Variants in ARHGAP15 observed in about 807,000 individuals in gnomAD.
ARHGAP15 encodes Rho GTPase activating protein 15, also known as rho GTPase-activating protein 15.
ARHGAP15 carries 51 observed loss-of-function variants against 63.7 expected under a neutral mutation model. The observed-to-expected ratio is 0.80, with a 90% CI of 0.64 to 1.01. The LOEUF is 1.01. Ranked by LOEUF, ARHGAP15 falls within the 50% of genes least tolerant of loss-of-function variation. The pLI is 0.00. For synonymous variants in ARHGAP15, 191 were observed against 193.8 expected, an observed-to-expected ratio of 0.99 and a Z score of 0.12; for missense variants, 560 against 564.6, an observed-to-expected ratio of 0.99 and a Z score of 0.08.
chr2:143,396,980 G>T (rs1687789887), intron 6 of ARHGAP15, among the ~76,000 whole-genome samples: 1 of 152,100 alleles, frequency 6.6e-6, no homozygotes, highest in African/African-American at 2.4e-5. Flanking sequence ...AGAGATGGAG[G>T]AAGAGGAAGA....
rs141080559 is a variant in ARHGAP15, at chr2:143,248,739, C to T, written c.385-1772C>T. Among the ~76,000 whole-genome samples, 146 of 152,278 alleles carry T rather than the reference C, an allele frequency of 9.6e-4. 1 individual carries two copies. The highest frequency in any genetic ancestry group is 6.8e-3 in the Middle Eastern group (2 of 294). On this transcript the variant is annotated intron_variant, in intron 5 of 13. Coordinates refer to ENST00000295095, the MANE Select transcript of ARHGAP15 (RefSeq NM_018460.4). ...TAGAACTCCAGAGGCAAGGAAAATACGGAATCTTCCTCATTTTAGCCTTAG... is the reference window on the plus strand; with the variant it reads ...TAGAACTCCAGAGGCAAGGAAAATATGGAATCTTCCTCATTTTAGCCTTAG...
chr2:143,327,891 TAAAC>T (rs1558895810), intron 6 of ARHGAP15, among the ~76,000 whole-genome samples: 1 of 126,946 alleles, frequency 7.9e-6, no homozygotes, highest in African/African-American at 2.8e-5. Context: ...ACAAAGAACT[TAAAC>T]AAATTTACAA....
At chr2:143,653,052 T>A (rs1681251812) in intron 12 of ARHGAP15, among the ~76,000 whole-genome samples, 1 of 152,096 alleles carries the variant, frequency 6.6e-6, no homozygotes, top group South Asian at 2.1e-4. Flanking sequence ...TTCCTTCCCA[T>A]CTGTCCTGAG....
intron 10 of ARHGAP15, among the ~76,000 whole-genome samples, chr2:143,556,157 A>G (rs1003209322): frequency 3.3e-5 from 5 of 152,068 alleles, no homozygotes; most frequent in Non-Finnish European, 5.9e-5. Flanking sequence ...TAAATATATG[A>G]TGTAATCCTA....
At chr2:143,491,537 A>G (rs1484903111) in intron 9 of ARHGAP15, among the ~76,000 whole-genome samples, 2 of 152,238 alleles carry the variant, frequency 1.3e-5, no homozygotes, top group African/African-American at 2.4e-5. Flanking sequence ...AATTAGTATC[A>G]TATTACTTAT....
chr2:143,607,783 C>T (rs1163385960), intron 11 of ARHGAP15: 3 of 152,116 alleles, frequency 2.0e-5, no homozygotes, highest in African/African-American at 7.2e-5. Context: ...AGATAGGATT[C>T]GGATATAAAT....
chr2:143,720,460 A>T (rs989137421), intron 13 of ARHGAP15, among the ~76,000 whole-genome samples: 6 of 152,046 alleles, frequency 3.9e-5, no homozygotes, highest in Admixed American at 3.9e-4. Context: ...CGCAACCGAG[A>T]CTCCATCAGA....
intron 3 of ARHGAP15, among the ~76,000 whole-genome samples, chr2:143,205,615 A>G (rs1257577913): frequency 6.6e-6 from 1 of 152,084 alleles, no homozygotes; most frequent in African/African-American, 2.4e-5. Flanking sequence ...TCTCCTGTGA[A>G]TTAGTCATTT....
At chr2:143,511,977 ATGT>A in intron 9 of ARHGAP15, among the ~76,000 whole-genome samples, 1 of 152,336 alleles carries the variant, frequency 6.6e-6, no homozygotes, top group Admixed American at 6.5e-5. Context: ...TCAAGGGCTA[ATGT>A]TGTAGTCTAC....
intron 6 of ARHGAP15, among the ~76,000 whole-genome samples, chr2:143,283,506 A>G (rs1458933826): frequency 6.6e-6 from 1 of 152,206 alleles, no homozygotes; most frequent in Non-Finnish European, 1.5e-5. Context: ...TCACATACCC[A>G]AAAATATTTT....
chr2:143,289,291 G>C (rs893873055), intron 6 of ARHGAP15, among the ~76,000 whole-genome samples: 1 of 152,126 alleles, frequency 6.6e-6, no homozygotes, highest in Non-Finnish European at 1.5e-5. Context: ...ACTATACCAG[G>C]TTTGCTGAAT....
rs146433502 is a variant in ARHGAP15 at position 143,315,703 on chromosome 2, C to T, written c.474+65103C>T. 3.9e-5 allele frequency among the ~76,000 whole-genome samples: 6 copies of T among 152,272 alleles called. No homozygotes were observed. The East Asian group carries it at 1.2e-3, about 29-fold the overall frequency. On this transcript the variant is annotated intron_variant, in intron 6 of 13. Transcript: ENST00000295095. ...AATAAGGACACCACTAAAATCTACT[C>T]TCTCCAACATTTTTTAACCTAAAAA... is the stretch of plus-strand genomic sequence containing the variant.
chr2:143,558,735 G>A (rs1574632514), intron 11 of ARHGAP15, among the ~76,000 whole-genome samples: 2 of 152,194 alleles, frequency 1.3e-5, no homozygotes, highest in South Asian at 4.1e-4. Flanking sequence ...AACAATGTGT[G>A]TGGGTGTTGC....
intron 10 of ARHGAP15, among the ~76,000 whole-genome samples, chr2:143,544,787 A>G (rs984491390): frequency 6.6e-6 from 1 of 152,202 alleles, no homozygotes; most frequent in Non-Finnish European, 1.5e-5. Flanking sequence ...CCATTTAATC[A>G]CAGTTTAACA....
At chr2:143,136,268 C>T (rs1689135430) in intron 1 of ARHGAP15, among the ~76,000 whole-genome samples, 1 of 151,906 alleles carries the variant, frequency 6.6e-6, no homozygotes, top group South Asian at 2.1e-4. Context: ...TGACTTTTCT[C>T]AATAATGGCC....
At position 143,217,822 on chromosome 2, in the gene ARHGAP15, T is replaced by C. The variant is rs1237244476; in HGVS notation, c.296+1377T>C. Among the ~76,000 whole-genome samples the C allele has an allele frequency of 5.3e-5, 8 of 152,284 alleles. No individual in the cohort carries two copies. The East Asian group carries it at 1.5e-3, about 29-fold the overall frequency. On this transcript the variant is annotated intron_variant, in intron 4 of 13. Coordinates refer to ENST00000295095, the MANE Select transcript of ARHGAP15 (RefSeq NM_018460.4). Reference sequence around the variant, plus strand: ...AGAGTTTCTTCAAAATTATCTAAGTTAGCCAGTTCAGCCCTCCACTAGAGC... The same window carrying C: ...AGAGTTTCTTCAAAATTATCTAAGTCAGCCAGTTCAGCCCTCCACTAGAGC...
intron 6 of ARHGAP15, among the ~76,000 whole-genome samples, chr2:143,408,577 T>C (rs1422739667): frequency 6.6e-6 from 1 of 151,890 alleles, no homozygotes; most frequent in Non-Finnish European, 1.5e-5. Context: ...AGTTCTCATA[T>C]CATTTTTGCC....
intron 5 of ARHGAP15, among the ~76,000 whole-genome samples, chr2:143,240,859 T>C (rs903722159): frequency 6.6e-6 from 1 of 152,358 alleles, no homozygotes; most frequent in Non-Finnish European, 1.5e-5. Flanking sequence ...TCTCTGGTTA[T>C]ATTTTTTTCT....
chr2:143,323,694 G>A (rs1236427071), intron 6 of ARHGAP15, among the ~76,000 whole-genome samples: 2 of 151,814 alleles, frequency 1.3e-5, no homozygotes, highest in South Asian at 2.1e-4. Flanking sequence ...CAGGAGATCC[G>A]AGACCACGGT....
Sources: gnomAD v4.1 joint callset for allele counts (sites outside exome capture counted in the v4.1 genomes callset) on GRCh38, gnomAD v4.1.1 for gene constraint, MANE v1.5 for transcripts, NCBI Gene and HGNC (gene_info 2026-07-23, HGNC 2026-07-21) for gene names.